STXBP5L: variants seen among roughly 807,000 people sequenced by gnomAD.
The protein encoded by STXBP5L is syntaxin binding protein 5L.
A neutral mutation model predicts 144.5 loss-of-function variants in STXBP5L; 65 were observed. The observed-to-expected ratio is 0.45, with a 90% CI of 0.37 to 0.55. The LOEUF (loss-of-function observed/expected upper bound fraction) is 0.55, where lower values mean the gene tolerates loss of function less well. STXBP5L is among the 20% of genes least tolerant of loss of function. The pLI is 0.00. For missense variants in STXBP5L, 1,298 were observed against 1,405.5 expected, an observed-to-expected ratio of 0.92 and a Z score of 1.22; for synonymous variants, 505 against 469.6, an observed-to-expected ratio of 1.08 and a Z score of -0.97.
chr3:121,297,051 C>G (rs2051681056), intron 19 of STXBP5L, among the ~76,000 whole-genome samples: 1 of 152,074 alleles, frequency 6.6e-6, no homozygotes, highest in Non-Finnish European at 1.5e-5. Context: ...AGTCCCTTGG[C>G]AAAGGGGGTA....
At chr3:121,057,055 A>T (rs997071060) in intron 5 of STXBP5L, among the ~76,000 whole-genome samples, 1 of 151,518 alleles carries the variant, frequency 6.6e-6, no homozygotes, top group Non-Finnish European at 1.5e-5. Context: ...AGAATATATT[A>T]TAAAGAAGGA....
intron 7 of STXBP5L, among the ~76,000 whole-genome samples, chr3:121,124,590 T>G (rs1384837648): frequency 6.6e-6 from 1 of 152,082 alleles, no homozygotes; most frequent in Non-Finnish European, 1.5e-5. Flanking sequence ...TCATAACTGA[T>G]TATCTTTAGA....
chr3:120,976,736 T>C (rs998361868), intron 3 of STXBP5L, among the ~76,000 whole-genome samples: 1 of 152,228 alleles, frequency 6.6e-6, no homozygotes, highest in Non-Finnish European at 1.5e-5. Flanking sequence ...GTGTTTCTGG[T>C]ATGTTGTGTC....
intron 18 of STXBP5L, among the ~76,000 whole-genome samples, chr3:121,260,248 C>T (rs568786211): frequency 4.7e-4 from 71 of 151,950 alleles, no homozygotes; most frequent in Non-Finnish European, 1.0e-4. Context: ...TATTCTTTGT[C>T]CATTTGTCTG....
intron 9 of STXBP5L, among the ~76,000 whole-genome samples, chr3:121,175,849 G>C (rs1373541574): frequency 6.8e-6 from 1 of 147,396 alleles, no homozygotes; most frequent in Non-Finnish European, 1.5e-5. Flanking sequence ...CTATAGATAA[G>C]TTGACAGTAA....
At position 121,255,248 on chromosome 3, in the gene STXBP5L, A is replaced by G. The variant is rs149997390; in HGVS notation, c.1659+136A>G. On this transcript the variant is annotated intron_variant, in intron 16 of 26. Transcript: ENST00000471454. ...AGTAATACAATTCACAGGATTTTAA[A>G]TTATTATTGTTACTTACTATAACAT... 153 of 579,414 alleles carry G rather than the reference A, an allele frequency of 2.6e-4. No individual in the cohort carries two copies. The East Asian group carries it at 4.7e-3, about 18-fold the overall frequency. The allele number at this position is 579,414 out of a possible 1,614,324, so 35.9% of individuals were successfully genotyped here.
At chr3:121,031,028 A>G (rs1164872904) in intron 3 of STXBP5L, among the ~76,000 whole-genome samples, 5 of 152,130 alleles carry the variant, frequency 3.3e-5, no homozygotes, top group African/African-American at 1.2e-4. Context: ...AAAACAAATT[A>G]TGATCTCTTC....
At chr3:121,350,391 AT>A (rs1482263675) in intron 20 of STXBP5L, among the ~76,000 whole-genome samples, 2 of 151,830 alleles carry the variant, frequency 1.3e-5, no homozygotes, top group Non-Finnish European at 2.9e-5. Flanking sequence ...TGCCCTTAAC[AT>A]TTTTTCCTTC....
chr3:121,367,541 A>T (rs960564706), intron 20 of STXBP5L, among the ~76,000 whole-genome samples: 11 of 141,898 alleles, frequency 7.8e-5, no homozygotes, highest in Admixed American at 7.7e-4. Flanking sequence ...CTTGTATATG[A>T]TGAGTCACTT....
chr3:121,277,142 A>C (rs2050909985), intron 18 of STXBP5L, among the ~76,000 whole-genome samples: 1 of 152,076 alleles, frequency 6.6e-6, no homozygotes, highest in African/African-American at 2.4e-5. Flanking sequence ...TGAGAAGTCT[A>C]ATATCAAGGC....
chr3:121,082,313 C>A (rs1001883644), intron 5 of STXBP5L, among the ~76,000 whole-genome samples: 1 of 151,690 alleles, frequency 6.6e-6, no homozygotes, highest in Non-Finnish European at 1.5e-5. Context: ...TTTTGGCATA[C>A]AAATCATGTA....
chr3:121,244,714 C>A (rs577243474), intron 14 of STXBP5L, among the ~76,000 whole-genome samples: 2 of 152,160 alleles, frequency 1.3e-5, no homozygotes, highest in South Asian at 4.1e-4. Context: ...GCAAGGAAAT[C>A]CCCATGAGAT....
chr3:120,999,135 C>T (rs557172485), intron 3 of STXBP5L, among the ~76,000 whole-genome samples: 27 of 152,238 alleles, frequency 1.8e-4, no homozygotes, highest in African/African-American at 6.5e-4. Context: ...TCACTGCAAC[C>T]TCTTCCTCCC....
intron 7 of STXBP5L, among the ~76,000 whole-genome samples, chr3:121,133,081 T>C (rs1032142616): frequency 5.9e-5 from 9 of 152,050 alleles, no homozygotes; most frequent in South Asian, 2.1e-4. Flanking sequence ...TTTAAACAAA[T>C]GATGAGAGCT....
At chr3:121,233,570 A>T (rs2049374647) in intron 11 of STXBP5L, 46 bp from the exon 12 acceptor site, 1 of 1,439,824 alleles carries the variant, frequency 6.9e-7, no homozygotes, top group African/African-American at 1.4e-5. Flanking sequence ...CTGATTTTAT[A>T]GTATATACAA....
At chr3:121,356,116 G>T (rs1045146056) in intron 20 of STXBP5L, among the ~76,000 whole-genome samples, 1 of 152,238 alleles carries the variant, frequency 6.6e-6, no homozygotes, top group Non-Finnish European at 1.5e-5. Context: ...GCCTCTACTG[G>T]GAGGTGTCTG....
intron 2 of STXBP5L, among the ~76,000 whole-genome samples, chr3:120,939,848 TTG>T (rs1710474300): frequency 6.6e-6 from 1 of 152,106 alleles, no homozygotes; most frequent in Non-Finnish European, 1.5e-5. Flanking sequence ...ACAGATGGAA[TTG>T]GAAGGGGACC....
At chr3:121,135,156 GTGA>G (rs542150257) in intron 7 of STXBP5L, among the ~76,000 whole-genome samples, 1 of 152,174 alleles carries the variant, frequency 6.6e-6, no homozygotes, top group Admixed American at 6.5e-5. Flanking sequence ...CTGATGGCCA[GTGA>G]TGATGAGCAT....
intron 20 of STXBP5L, among the ~76,000 whole-genome samples, chr3:121,344,400 G>A (rs963863808): frequency 3.3e-5 from 5 of 152,004 alleles, no homozygotes; most frequent in African/African-American, 9.7e-5. Flanking sequence ...TTGACAAATG[G>A]GATCTAATTA....
Sources: gnomAD v4.1 joint callset for allele counts (sites outside exome capture counted in the v4.1 genomes callset) on GRCh38, gnomAD v4.1.1 for gene constraint, MANE v1.5 for transcripts, NCBI Gene and HGNC (gene_info 2026-07-23, HGNC 2026-07-21) for gene names.